CFDP1: variants seen among roughly 807,000 people sequenced by gnomAD.
CFDP1 encodes the protein chromatin remodeling protein CFDP1.
Under a neutral mutation model 40.1 loss-of-function variants are expected in CFDP1, and 31 were observed. The ratio of observed to expected loss-of-function variants is 0.77; its 90% CI spans 0.58 to 1.04. The LOEUF is 1.04. Among genes scored for constraint, CFDP1 ranks in the 50% least tolerant of loss-of-function variants. CFDP1 has a pLI of 0.00. For missense variants in CFDP1, 423 were observed against 343.4 expected (o/e 1.23, Z -1.83); for synonymous variants, 167 against 120.0 (o/e 1.39, Z -2.56).
At chr16:75,418,252 CAAAAAAAAAAAAAAA>C (rs34789992) in intron 1 of CFDP1, among the ~76,000 whole-genome samples, 1 of 57,010 alleles carries the variant, frequency 1.8e-5, no homozygotes, top group Non-Finnish European at 3.0e-5. Context: ...AACTCTGTCT[CAAAAAAAAAAAAAAA>C]AAAAAAAAGA....
At chr16:75,301,540 T>TTTTA (rs2078222062) in intron 6 of CFDP1, among the ~76,000 whole-genome samples, 1 of 84,334 alleles carries the variant, frequency 1.2e-5, no homozygotes, top group Non-Finnish European at 2.4e-5. Flanking sequence ...TTGTGTCTTT[T>TTTTA]TTTTTTTTTT....
intron 5 of CFDP1, among the ~76,000 whole-genome samples, chr16:75,384,121 G>C (rs1428921897): frequency 6.6e-6 from 1 of 152,168 alleles, no homozygotes; most frequent in Non-Finnish European, 1.5e-5. Flanking sequence ...CTAGCACTTT[G>C]TGAGGCTGAG....
chr16:75,361,189 T>C (rs1379365980), intron 5 of CFDP1, among the ~76,000 whole-genome samples: 1 of 152,180 alleles, frequency 6.6e-6, no homozygotes, highest in Non-Finnish European at 1.5e-5. Context: ...TTTGTATTTT[T>C]TAGTAGCGAT....
chr16:75,427,190 G>A (rs536048398), intron 1 of CFDP1, among the ~76,000 whole-genome samples: 3 of 152,154 alleles, frequency 2.0e-5, no homozygotes, highest in Non-Finnish European at 4.4e-5. Context: ...TGGCAAACAG[G>A]AACATGAAAA....
intron 5 of CFDP1, chr16:75,363,089 G>C (rs1251122132): frequency 1.3e-5 from 2 of 152,022 alleles, no homozygotes; most frequent in African/African-American, 2.4e-5. Context: ...ACTTCATTCA[G>C]ACACAAGCGT....
chr16:75,424,252 A>G (rs775204268), intron 1 of CFDP1, among the ~76,000 whole-genome samples: 2 of 152,206 alleles, frequency 1.3e-5, no homozygotes, highest in Non-Finnish European at 2.9e-5. Flanking sequence ...AATTTCAGCC[A>G]TTTGCTTAGA....
At chr16:75,311,289 G>C (rs772926517) in intron 5 of CFDP1, among the ~76,000 whole-genome samples, 1 of 152,104 alleles carries the variant, frequency 6.6e-6, no homozygotes, top group Non-Finnish European at 1.5e-5. Flanking sequence ...ATAGACATAT[G>C]TCACCAAACC....
rs368328025 is a variant in CFDP1 at position 75,362,239 on chromosome 16, C to T, written c.650+32851G>A. ...TCATACTAAAAATCAAGTCTCCATA[C>T]AGATCAGTGGTCTTGCCTATGGCCT... On this transcript the variant is annotated intron_variant, in intron 5 of 6. Transcript: ENST00000283882. Among the ~76,000 whole-genome samples, 5 of 152,304 alleles carry T rather than the reference C, an allele frequency of 3.3e-5. No individual in the cohort carries two copies. The South Asian group carries it at 1.0e-3, about 32-fold the overall frequency.
At chr16:75,359,303 A>G (rs1454516540) in intron 5 of CFDP1, among the ~76,000 whole-genome samples, 1 of 152,206 alleles carries the variant, frequency 6.6e-6, no homozygotes, top group Non-Finnish European at 1.5e-5. Flanking sequence ...TCCTGAGAAC[A>G]AAAAGTTTGA....
At chr16:75,402,170 T>C (rs999486191) in intron 4 of CFDP1, among the ~76,000 whole-genome samples, 8 of 152,194 alleles carry the variant, frequency 5.3e-5, no homozygotes, top group Non-Finnish European at 7.3e-5. Flanking sequence ...TATCAAAATA[T>C]CTTCAAGCAG....
intron 5 of CFDP1, among the ~76,000 whole-genome samples, chr16:75,327,260 C>CT (rs1369151567): frequency 6.6e-6 from 1 of 152,102 alleles, no homozygotes; most frequent in African/African-American, 2.4e-5. Context: ...GTGCAAGACT[C>CT]TGTCTCAAAA....
chr16:75,300,605 A>G (rs578030351), intron 6 of CFDP1, among the ~76,000 whole-genome samples: 1 of 152,258 alleles, frequency 6.6e-6, no homozygotes, highest in African/African-American at 2.4e-5. Flanking sequence ...TTCTTTTAAC[A>G]GTAGGGTAGA....
intron 5 of CFDP1, among the ~76,000 whole-genome samples, chr16:75,387,635 T>C (rs1379527307): frequency 6.6e-6 from 1 of 152,200 alleles, no homozygotes; most frequent in African/African-American, 2.4e-5. Flanking sequence ...TGACACAAGC[T>C]GGGCAATGAT....
At chr16:75,361,287 A>C (rs1347999500) in intron 5 of CFDP1, among the ~76,000 whole-genome samples, 2 of 152,192 alleles carry the variant, frequency 1.3e-5, no homozygotes, top group Non-Finnish European at 2.9e-5. Flanking sequence ...CTGTGATTAC[A>C]GGCATGAGTA....
At chr16:75,416,301 G>A (rs541939679) in intron 1 of CFDP1, among the ~76,000 whole-genome samples, 2 of 151,878 alleles carry the variant, frequency 1.3e-5, no homozygotes, top group South Asian at 4.2e-4. Context: ...ATGGGGAGGG[G>A]GACAGATTAA....
intron 5 of CFDP1, among the ~76,000 whole-genome samples, chr16:75,318,384 G>A (rs1382188168): frequency 2.0e-5 from 3 of 151,462 alleles, no homozygotes; most frequent in South Asian, 2.1e-4. Flanking sequence ...TGTTGATTAG[G>A]GAGTTGGCAT....
intron 5 of CFDP1, among the ~76,000 whole-genome samples, chr16:75,374,482 A>C (rs762403266): frequency 3.3e-5 from 5 of 152,088 alleles, no homozygotes; most frequent in Admixed American, 1.3e-4. Context: ...TACATAGATT[A>C]CTAAATGCTT....
chr16:75,413,174 C>G (rs2079177145), intron 2 of CFDP1, among the ~76,000 whole-genome samples: 1 of 152,062 alleles, frequency 6.6e-6, no homozygotes, highest in Non-Finnish European at 1.5e-5. Context: ...AGAAGAGCCT[C>G]AACTTTATTT....
At chr16:75,337,600 C>G (rs2151518679) in intron 5 of CFDP1, among the ~76,000 whole-genome samples, 1 of 152,222 alleles carries the variant, frequency 6.6e-6, no homozygotes, top group East Asian at 1.9e-4. Flanking sequence ...GAAAGCATGG[C>G]TGGGAAGGCC....
Sources: allele counts gnomAD v4.1 joint callset (sites outside exome capture counted in the v4.1 genomes callset), GRCh38; gene constraint gnomAD v4.1.1; transcripts MANE v1.5; gene names NCBI Gene and HGNC (gene_info 2026-07-23, HGNC 2026-07-21).